Variants in STKLD1 observed in about 807,000 individuals in gnomAD.
The protein encoded by STKLD1 is serine/threonine kinase-like domain-containing protein STKLD1.
In STKLD1, 79 loss-of-function variants were observed where a neutral mutation model predicts 80.4. The observed-to-expected ratio is 0.98, with a 90% CI of 0.82 to 1.19. STKLD1 has a LOEUF of 1.19. Among genes scored for constraint, STKLD1 ranks in the 50% most tolerant of loss-of-function variants. STKLD1 has a pLI of 0.00. For synonymous variants in STKLD1, 393 were observed against 357.6 expected (o/e 1.10, Z -1.12); for missense variants, 841 against 856.0 (o/e 0.98, Z 0.22).
Position 133,404,929 on chromosome 9 carries a change from G to T in STKLD1, c.1873G>T (p.Glu625Ter), listed in dbSNP as rs782337788. Residue 625 changes from glutamate (E) to a stop codon, truncating the protein, a stop_gained and splice_region_variant, in exon 17 of 18, where the codon GAG (glutamate) becomes TAG (stop). Coordinates refer to ENST00000371957, the MANE Select transcript of STKLD1 (RefSeq NM_153710.5). LOFTEE classifies it low-confidence loss of function (END_TRUNC). ...GCTGCTGGTCCACCTGGCTTCCTAT[G>T]GTGAGAACCCCTTCTCACCTCACAC... ...GMLLVHLASY[E>*]EILPELVSSS... The T allele has an allele frequency of 3.1e-6, 5 of 1,612,956 alleles. No individual in the cohort carries two copies. In the African/African-American group the frequency reaches 5.3e-5, roughly 17 times the overall value.
Position 133,397,272 on chromosome 9 carries a change from A to G in STKLD1, c.975A>G (p.Glu325=), listed in dbSNP as rs1554776864. The change falls in exon 10 of 18, where the codon GAA becomes GAG. Residue 325 remains glutamate (E), a synonymous_variant. Coordinates refer to ENST00000371957, the MANE Select transcript of STKLD1 (RefSeq NM_153710.5). ...VPASITDMLL[E]GNVASILEVM... is the part of the protein sequence containing the mutation. ...CGTCCATCACCGACATGCTGTTAGA[A>G]GGCAACGTGGCCAGCATTTTAGGTG... 1 of 1,613,774 alleles carries G rather than the reference A, an allele frequency of 6.2e-7. No individual in the cohort carries two copies. Among genetic ancestry groups the G allele is most frequent in the Admixed American group, 1.7e-5 (1 of 60,012 alleles).
intron 4 of STKLD1, among the ~76,000 whole-genome samples, chr9:133,387,109 G>A (rs1032513545): frequency 1.3e-5 from 2 of 152,194 alleles, no homozygotes; most frequent in African/African-American, 4.8e-5. Context: ...TCTGAGCTGA[G>A]CCCTAAAGGG....
In STKLD1 at chr9:133,390,900, T is replaced by G; in HGVS notation, c.583+104T>G. 2.4e-6 allele frequency: 2 copies of G among 844,052 alleles called. No homozygotes were observed. The highest frequency in any genetic ancestry group is 2.0e-6 in the Non-Finnish European group (1 of 498,928). 52.3% of individuals were successfully genotyped at this position (844,052 alleles called of 1,614,324 possible). Reference sequence around the variant, plus strand: ...GAGTGAGGCAACATCAAACAGCTGTTTGCTCAGAAGGTCCCCACAAAGCCC... The same window carrying G: ...GAGTGAGGCAACATCAAACAGCTGTGTGCTCAGAAGGTCCCCACAAAGCCC... On this transcript the variant is annotated intron_variant, in intron 7 of 17. Transcript: ENST00000371957. The surrounding 1 kb of genome is among the most constrained non-coding windows in gnomAD (Gnocchi z 5.1).
intron 2 of STKLD1, among the ~76,000 whole-genome samples, chr9:133,381,794 C>T (rs1838141917): frequency 1.3e-5 from 2 of 152,190 alleles, no homozygotes; most frequent in Non-Finnish European, 2.9e-5. Context: ...GCCAACTTCA[C>T]CTCCTCATAT....
intron 17 of STKLD1, 74 bp from the exon 18 acceptor site, chr9:133,405,178 C>G (rs1838818209): frequency 6.6e-7 from 1 of 1,510,210 alleles, no homozygotes; most frequent in Non-Finnish European, 8.9e-7. Flanking sequence ...GTGACCCACT[C>G]TCATCCTTCT....
In STKLD1 at chr9:133,403,768, C is replaced by T. The variant is rs1354798433; in HGVS notation, c.1543C>T (p.Pro515Ser). 7.4e-6 allele frequency: 12 copies of T among 1,613,674 alleles called. No individual in the cohort carries two copies. Among genetic ancestry groups the T allele is most frequent in the African/African-American group, 1.3e-5 (1 of 74,950 alleles). Residue 515 changes from proline (P) to serine (S), a missense_variant, in exon 15 of 18, where the codon CCT becomes TCT. Coordinates refer to ENST00000371957, the MANE Select transcript of STKLD1 (RefSeq NM_153710.5). ...CATCAGCCAGGTGTTGGCCACCTACCCTGCGGATGGGGAAATGGCAGAAGC... is the reference window on the plus strand; with the variant it reads ...CATCAGCCAGGTGTTGGCCACCTACTCTGCGGATGGGGAAATGGCAGAAGC... The part of the protein sequence containing the change: ...DLISQVLATY[P>S]ADGEMAEASC...
chr9:133,385,741 A>G lies in STKLD1; in HGVS notation c.294+50A>G, dbSNP rs913232213. ...GCTCAGCCGCCACGCAGTGGGCTGC[A>G]GGACCAAGCAGACTGAGCCCAGAGC... is the stretch of plus-strand genomic sequence containing the variant. On this transcript the variant is annotated intron_variant, in intron 4 of 17. Coordinates refer to ENST00000371957, the MANE Select transcript of STKLD1 (RefSeq NM_153710.5). This position sits in a 1 kb window ranked among gnomAD's most constrained non-coding sequence, Gnocchi z 4.9. The G allele has an allele frequency of 2.6e-6, 4 of 1,554,434 alleles. No individual in the cohort carries two copies. Among genetic ancestry groups the G allele is most frequent in the African/African-American group, 2.7e-5 (2 of 73,770 alleles).
rs2130272235 is a variant in STKLD1 at position 133,384,145 on chromosome 9, A to G, written c.219+245A>G. 0.52 allele frequency: 264,031 copies of G among 508,616 alleles called. 70,474 individuals are homozygous for G. Among genetic ancestry groups the G allele is most frequent in the African/African-American group, 0.58 (29,816 of 51,834 alleles). 31.5% of individuals were successfully genotyped at this position (508,616 alleles called of 1,614,324 possible). On this transcript the variant is annotated intron_variant, in intron 3 of 17. Transcript: ENST00000371957. This position sits in a 1 kb window ranked among gnomAD's most constrained non-coding sequence, Gnocchi z 4.3. ...AACATATGTTCCCAGAGAACATAAA[A>G]TTTAAATATTGGGCTGGGCACGGTG...
chr9:133,395,520 C>T (rs945587285), intron 8 of STKLD1, 80 bp from the exon 9 acceptor site: 12 of 1,478,564 alleles, frequency 8.1e-6, no homozygotes, highest in South Asian at 3.9e-5. Context: ...TTTCTTGGTC[C>T]CTGGTCGTCC....
chr9:133,395,953 C>T (rs587710204), intron 9 of STKLD1, 190 bp downstream of exon 9: 10 of 590,452 alleles, frequency 1.7e-5, no homozygotes, highest in East Asian at 1.2e-4. Context: ...CGAGTAATCC[C>T]GAATGTACGG....
chr9:133,400,204 A>G (rs1314873582), intron 11 of STKLD1, among the ~76,000 whole-genome samples: 1 of 152,186 alleles, frequency 6.6e-6, no homozygotes, highest in Non-Finnish European at 1.5e-5. Flanking sequence ...GGGCCACTTC[A>G]CAGGGCTGTG....
chr9:133,398,682 G>A (rs1178234165), intron 11 of STKLD1, among the ~76,000 whole-genome samples: 2 of 152,180 alleles, frequency 1.3e-5, no homozygotes, highest in Admixed American at 6.5e-5. Context: ...AGGAGGCTGA[G>A]GCAGGAGGAT....
chr9:133,399,550 C>T (rs1407150393), intron 11 of STKLD1, among the ~76,000 whole-genome samples: 4 of 152,180 alleles, frequency 2.6e-5, no homozygotes, highest in Non-Finnish European at 5.9e-5. Context: ...TCCCACCACC[C>T]GGAGCCACAC....
chr9:133,394,204 G>C lies in STKLD1; in HGVS notation c.584-87G>C. The stretch of plus-strand genomic sequence containing the variant: ...CTGCTTGCGGGGGGCCACCAAAGGG[G>C]ATACAGTGCTGGGCAGGGTGACTCT... On this transcript the variant is annotated intron_variant, in intron 7 of 17. Transcript: ENST00000371957. This position sits in a 1 kb window ranked among gnomAD's most constrained non-coding sequence, Gnocchi z 4.9. The C allele has an allele frequency of 1.1e-6, 1 of 879,670 alleles. No homozygotes were observed. The highest frequency in any genetic ancestry group is 1.7e-5 in the Admixed American group (1 of 57,280). The allele number at this position is 879,670 out of a possible 1,614,324, so 54.5% of individuals were successfully genotyped here. A position where few individuals can be genotyped will look rare whatever the true frequency, so the allele number is the denominator to read the frequency against.
rs782201875 is a variant in STKLD1, at chr9:133,394,377, A to G, written c.670A>G (p.Ile224Val). 6.2e-7 allele frequency: 1 copy of G among 1,613,672 alleles called. No homozygotes were observed. Among genetic ancestry groups the G allele is most frequent in the South Asian group, 1.1e-5 (1 of 91,064 alleles). Residue 224 changes from isoleucine to valine, a missense_variant, in exon 8 of 18, where the codon ATT (isoleucine) becomes GTT (valine). Transcript: ENST00000371957. This position sits in a 1 kb window ranked among gnomAD's most constrained non-coding sequence, Gnocchi z 4.9. ...KSDIWSLGCI[I>V]LDMTSCSFMD... is the part of the protein sequence containing the mutation. ...AGACATCTGGTCCCTGGGCTGCATC[A>G]TTCTGGACATGACCAGCTGCTCCTT...
intron 14 of STKLD1, among the ~76,000 whole-genome samples, chr9:133,403,293 G>A (rs904731282): frequency 2.0e-5 from 3 of 152,240 alleles, no homozygotes; most frequent in African/African-American, 7.2e-5. Context: ...CCTGCCCAGG[G>A]AAATGTCCTG....
chr9:133,401,538 C>A (rs1838707100), intron 12 of STKLD1, among the ~76,000 whole-genome samples, 200 bp from the exon 13 acceptor site: 1 of 152,176 alleles, frequency 6.6e-6, no homozygotes, highest in South Asian at 2.1e-4. Context: ...CGTGGCCTGG[C>A]CGGGCAGGGC....
rs2130284256 is a variant in STKLD1 at position 133,389,520 on chromosome 9, C to T, written c.397-6C>T. On this transcript the variant is annotated splice_polypyrimidine_tract_variant and splice_region_variant and intron_variant, in intron 5 of 17. Transcript: ENST00000371957. The surrounding 1 kb of genome is among the most constrained non-coding windows in gnomAD (Gnocchi z 6.4). ...CCCATCCTGGCACCCCCTACTTCTC[C>T]CCCAGTGGATGCAGAATGTGCTGGG... is the stretch of plus-strand genomic sequence containing the variant. 247 of 1,613,146 alleles carry T rather than the reference C, an allele frequency of 1.5e-4. 1 individual carries two copies. Among genetic ancestry groups the T allele is most frequent in the Middle Eastern group, 1.3e-3 (8 of 6,060 alleles).
intron 11 of STKLD1, among the ~76,000 whole-genome samples, chr9:133,398,940 C>T (rs1383713259): frequency 6.6e-6 from 1 of 152,134 alleles, no homozygotes; most frequent in Non-Finnish European, 1.5e-5. Flanking sequence ...GCAACCTCCG[C>T]CTCCTGGGTT....
Sources: allele counts gnomAD v4.1 joint callset (sites outside exome capture counted in the v4.1 genomes callset), GRCh38; gene constraint gnomAD v4.1.1; non-coding constraint Gnocchi (gnomAD v3.1); transcripts MANE v1.5; gene names NCBI Gene and HGNC (gene_info 2026-07-23, HGNC 2026-07-21).